GARS1: variants seen among roughly 807,000 people sequenced by gnomAD.
GARS1 encodes the protein glycine--tRNA ligase.
GARS1 carries 46 observed loss-of-function variants against 86.4 expected under a neutral mutation model. The ratio of observed to expected loss-of-function variants is 0.53; its 90% CI spans 0.42 to 0.68. The LOEUF (loss-of-function observed/expected upper bound fraction) is 0.68. Ranked by LOEUF, GARS1 falls within the 30% of genes least tolerant of loss-of-function variation. The probability of loss-of-function intolerance (pLI) is 0.00; values close to 1 mark genes in which losing one functional copy is unlikely to be tolerated. For missense variants in GARS1, 797 were observed against 915.6 expected, an observed-to-expected ratio of 0.87 and a Z score of 1.67; for synonymous variants, 342 against 329.8, an observed-to-expected ratio of 1.04 and a Z score of -0.40.
chr7:30,628,573 TC>T lies in GARS1; in HGVS notation c.1715del (p.Pro572ArgfsTer3). ...TCTCTTTTTCAGTGGAAGAAGTTGT[TC>T]CGAATGTAATTGAACCTTCCTTCGG... is the stretch of plus-strand genomic sequence containing the variant. ...QKTLYVEEVV[P>X]NVIEPSFGLG... On this transcript the variant is annotated frameshift_variant, in exon 14 of 17. Transcript: ENST00000389266. LOFTEE classifies it high-confidence loss of function. 6.2e-7 allele frequency: 1 copy of T among 1,610,140 alleles called. No individual in the cohort carries two copies. Among genetic ancestry groups the T allele is most frequent in the African/African-American group, 1.3e-5 (1 of 74,952 alleles).
intron 11 of GARS1, chr7:30,622,077 T>C (rs1783022735): frequency 1.9e-6 from 1 of 530,868 alleles, no homozygotes; most frequent in Admixed American, 3.1e-5. Context: ...GATTAGATAA[T>C]ATCTCTTTTT....
chr7:30,612,223 C>G lies in GARS1; in HGVS notation c.1009C>G (p.Arg337Gly). The G allele has an allele frequency of 6.2e-7, 1 of 1,614,092 alleles. No individual in the cohort carries two copies. The highest frequency in any genetic ancestry group is 8.5e-7 in the Non-Finnish European group (1 of 1,179,980). ...GNSFRNEISPRSGLIRVREFT... is the reference protein window; with the variant it reads ...GNSFRNEISPGSGLIRVREFT... ...TTCTTTTAGAAATGAGATCTCCCCTCGATCTGGACTGATCAGAGTCAGGTA... is the reference window on the plus strand; with the variant it reads ...TTCTTTTAGAAATGAGATCTCCCCTGGATCTGGACTGATCAGAGTCAGGTA... Residue 337 changes from arginine to glycine, a missense_variant, in exon 8 of 17, where the codon CGA becomes GGA. Arg to Gly is a moderately radical substitution (Grantham distance 125). Around this residue, in one of 2 missense-constraint regions of GARS1, gnomAD observed 598 missense variants for 738.7 expected, o/e 0.81. Coordinates refer to ENST00000389266, the MANE Select transcript of GARS1 (RefSeq NM_002047.4).
At position 30,632,060 on chromosome 7, in the gene GARS1, T is replaced by A. The variant is rs1783244571; in HGVS notation, c.1904-187T>A. On this transcript the variant is annotated intron_variant, in intron 15 of 16. Transcript: ENST00000389266. This position sits in a 1 kb window ranked among gnomAD's most constrained non-coding sequence, Gnocchi z 4.1. ...TAGCTGTATCAGATGGAGGTATGAG[T>A]GAAGATTTGGATTCCCGCAAGGGAT... The A allele has an allele frequency of 3.2e-6, 2 of 633,970 alleles. No individual in the cohort carries two copies. The highest frequency in any genetic ancestry group is 5.6e-6 in the Non-Finnish European group (2 of 358,716). 39.3% of individuals were successfully genotyped at this position (633,970 alleles called of 1,614,324 possible).
intron 1 of GARS1, among the ~76,000 whole-genome samples, chr7:30,595,451 A>G (rs911698804): frequency 3.3e-5 from 5 of 151,802 alleles, no homozygotes; most frequent in Non-Finnish European, 7.4e-5. Context: ...CGTCTCCTCT[A>G]TTTCCAGTGG....
chr7:30,609,621 T>C lies in GARS1; in HGVS notation c.772T>C (p.Phe258Leu), dbSNP rs778020206. ...TGGACAGCAAGAACTTGCGGATCTT[T>C]TTGTGAACTATAATGTAAAATCTCC... ...NYGQQELADL[F>L]VNYNVKSPIT... Residue 258 changes from phenylalanine (F) to leucine (L), a missense_variant, in exon 7 of 17, where the codon TTT (phenylalanine) becomes CTT (leucine). Phe to Leu is a conservative substitution (Grantham distance 22). Coordinates refer to ENST00000389266, the MANE Select transcript of GARS1 (RefSeq NM_002047.4). 6.2e-7 allele frequency: 1 copy of C among 1,613,470 alleles called. No individual in the cohort carries two copies.
intron 10 of GARS1, 99 bp downstream of exon 10, chr7:30,617,377 AG>A: frequency 7.3e-7 from 1 of 1,367,236 alleles, no homozygotes; most frequent in Non-Finnish European, 1.0e-6. Context: ...AGAGGAACAA[AG>A]GGAAAAGAAA....
At chr7:30,611,485 TTTTG>T (rs1194873648) in intron 7 of GARS1, among the ~76,000 whole-genome samples, 4 of 152,090 alleles carry the variant, frequency 2.6e-5, no homozygotes, top group Admixed American at 2.6e-4. Context: ...AGGTGGTGTT[TTTTG>T]TTTGTTTGTT....
At chr7:30,616,303 A>G (rs1326804076) in intron 9 of GARS1, among the ~76,000 whole-genome samples, 1 of 152,208 alleles carries the variant, frequency 6.6e-6, no homozygotes, top group Non-Finnish European at 1.5e-5. Context: ...GCACTTGGAA[A>G]ATAGATCTTG....
chr7:30,602,372 C>T (rs112192791), intron 4 of GARS1, among the ~76,000 whole-genome samples: 12,823 of 152,246 alleles, frequency 0.084, 1,152 homozygotes, highest in African/African-American at 0.22. Context: ...CCACTGCGCC[C>T]GGCCTGAAAG....
intron 10 of GARS1, among the ~76,000 whole-genome samples, chr7:30,618,159 A>G (rs1782928510): frequency 6.6e-6 from 1 of 152,222 alleles, no homozygotes; most frequent in African/African-American, 2.4e-5. Context: ...ATAATTCTGA[A>G]GACTATTATG....
rs200279483 is a variant in GARS1, at chr7:30,600,030, A to G, written c.408A>G (p.Gln136=). 618 of 1,612,956 alleles carry G rather than the reference A, an allele frequency of 3.8e-4. No individual in the cohort carries two copies. The highest frequency in any genetic ancestry group is 5.0e-4 in the Non-Finnish European group (595 of 1,178,894). ...DTLKRRFFYD[Q]AFAIYGGVSG... ...TGAAGAGGAGGTTTTTCTATGATCA[A>G]GCTTTTGCTATTTATGGAGGTAAGG... Residue 136 remains glutamine, a synonymous_variant, in exon 3 of 17, where the codon CAA becomes CAG. Coordinates refer to ENST00000389266, the MANE Select transcript of GARS1 (RefSeq NM_002047.4).
chr7:30,601,683 C>T (rs78814210), intron 4 of GARS1, among the ~76,000 whole-genome samples: 6,051 of 152,246 alleles, frequency 0.04, 168 homozygotes, highest in Middle Eastern at 0.082. Context: ...CAAAGGTATA[C>T]TTGTAGAGAT....
intron 9 of GARS1, 22 bp from the exon 10 acceptor site, chr7:30,617,092 G>A (rs527885667): frequency 6.2e-7 from 1 of 1,613,236 alleles, no homozygotes. Context: ...CTTCCTCCAT[G>A]CTTGCTTATT....
chr7:30,614,530 ATAG>A (rs1782846301), intron 8 of GARS1, among the ~76,000 whole-genome samples: 1 of 152,234 alleles, frequency 6.6e-6, no homozygotes, highest in Admixed American at 6.5e-5. Context: ...CAACTAAAAC[ATAG>A]GTGCAGCAGG....
chr7:30,615,697 T>G (rs548448740), intron 8 of GARS1, among the ~76,000 whole-genome samples, 199 bp from the exon 9 acceptor site: 1 of 152,264 alleles, frequency 6.6e-6, no homozygotes, highest in Admixed American at 6.5e-5. Flanking sequence ...AAAATAAAAA[T>G]AACAACTACC....
chr7:30,618,646 G>A (rs753582299), intron 10 of GARS1, among the ~76,000 whole-genome samples: 33 of 152,020 alleles, frequency 2.2e-4, no homozygotes, highest in Admixed American at 6.6e-4. Context: ...ACAAACAGAC[G>A]AAAAAAGATC....
chr7:30,616,362 G>A (rs967477999), intron 9 of GARS1, among the ~76,000 whole-genome samples: 1 of 152,164 alleles, frequency 6.6e-6, no homozygotes, highest in African/African-American at 2.4e-5. Context: ...TACTACTTTG[G>A]GGGAGACAGC....
At chr7:30,624,323 C>T (rs1783082086) in intron 12 of GARS1, among the ~76,000 whole-genome samples, 1 of 151,974 alleles carries the variant, frequency 6.6e-6, no homozygotes, top group Non-Finnish European at 1.5e-5. Context: ...TTTAGATGTA[C>T]CCAGAGGACT....
chr7:30,618,866 A>T (rs947870437), intron 10 of GARS1, among the ~76,000 whole-genome samples: 1 of 152,198 alleles, frequency 6.6e-6, no homozygotes, highest in African/African-American at 2.4e-5. Context: ...TGCTTGACAT[A>T]TGTCAAAATG....
Sources: gnomAD v4.1 joint callset for allele counts (sites outside exome capture counted in the v4.1 genomes callset) on GRCh38, gnomAD v4.1.1 for gene constraint, gnomAD v4.1.1 regional missense constraint, Gnocchi (gnomAD v3.1) non-coding constraint, MANE v1.5 for transcripts, NCBI Gene and HGNC (gene_info 2026-07-23, HGNC 2026-07-21) for gene names.